The following SPTBN1 variants were observed in gnomAD, a reference collection of about 807,000 sequenced individuals.
The protein encoded by SPTBN1 is spectrin beta, non-erythrocytic 1.
SPTBN1 carries 32 observed loss-of-function variants against 266.4 expected under a neutral mutation model. The observed-to-expected ratio is 0.12, with a 90% CI of 0.09 to 0.16. The LOEUF (loss-of-function observed/expected upper bound fraction) is 0.16, where lower values mean the gene tolerates loss of function less well. Ranked by LOEUF, SPTBN1 falls within the 10% of genes least tolerant of loss-of-function variation. The probability of loss-of-function intolerance (pLI) is 1.00; values close to 1 mark genes in which losing one functional copy is unlikely to be tolerated. For synonymous variants in SPTBN1, 1,336 were observed against 1,162.2 expected, an observed-to-expected ratio of 1.15 and a Z score of -3.04; for missense variants, 2,296 against 3,067.1, an observed-to-expected ratio of 0.75 and a Z score of 5.94.
chr2:54,569,463 A>C (rs1253416786), intron 2 of SPTBN1, among the ~76,000 whole-genome samples: 1 of 152,250 alleles, frequency 6.6e-6, no homozygotes, highest in Non-Finnish European at 1.5e-5. Flanking sequence ...CAAGTCCTAC[A>C]AATTTTAACT....
intron 2 of SPTBN1, among the ~76,000 whole-genome samples, chr2:54,583,195 C>G (rs115191357): frequency 1.6e-3 from 240 of 152,212 alleles, no homozygotes; most frequent in African/African-American, 5.6e-3. Flanking sequence ...GACCCCTTGA[C>G]TCACCTCTGG....
chr2:54,566,596 C>T (rs1022394385), intron 2 of SPTBN1, among the ~76,000 whole-genome samples: 4 of 152,030 alleles, frequency 2.6e-5, no homozygotes, highest in Non-Finnish European at 5.9e-5. Flanking sequence ...TTTGGGAGGT[C>T]GAGGCAGGCA....
intron 3 of SPTBN1, among the ~76,000 whole-genome samples, chr2:54,606,818 C>G (rs186460328): frequency 6.6e-6 from 1 of 152,220 alleles, no homozygotes; most frequent in Non-Finnish European, 1.5e-5. Context: ...GTAATGGTGT[C>G]TGGGCCAGCT....
chr2:54,562,533 C>CTTTTTTTTTTTTTTTTTTTTT (rs1553447705), intron 2 of SPTBN1, among the ~76,000 whole-genome samples: 1 of 126,828 alleles, frequency 7.9e-6, no homozygotes, highest in African/African-American at 3.2e-5. Context: ...TTTTCTTTTT[C>CTTTTTTTTTTTTTTTTTTTTT]TTTTTTTTTT....
intron 1 of SPTBN1, among the ~76,000 whole-genome samples, chr2:54,473,085 G>C (rs1461632511): frequency 6.6e-6 from 1 of 152,066 alleles, no homozygotes; most frequent in Non-Finnish European, 1.5e-5. Flanking sequence ...TTGTTTCACT[G>C]TCTTCATATG....
At chr2:54,592,218 A>G (rs1381205904) in intron 2 of SPTBN1, among the ~76,000 whole-genome samples, 4 of 152,186 alleles carry the variant, frequency 2.6e-5, no homozygotes, top group African/African-American at 9.7e-5. Flanking sequence ...ACATAGACGC[A>G]TTACAGCCTT....
At chr2:54,578,513 A>G (rs928101645) in intron 2 of SPTBN1, among the ~76,000 whole-genome samples, 2 of 152,084 alleles carry the variant, frequency 1.3e-5, no homozygotes, top group African/African-American at 2.4e-5. Context: ...TGCGATTTGC[A>G]TTGTGTTTTC....
At chr2:54,614,995 T>C in intron 4 of SPTBN1, among the ~76,000 whole-genome samples, 1 of 152,172 alleles carries the variant, frequency 6.6e-6, no homozygotes, top group East Asian at 1.9e-4. Context: ...CTGACTTTCC[T>C]GGTGAGCCTG....
chr2:54,623,719 A>G, intron 10 of SPTBN1, 123 bp downstream of exon 10: 1 of 751,556 alleles, frequency 1.3e-6, no homozygotes, highest in Non-Finnish European at 2.2e-6. Flanking sequence ...CCGAATTGAC[A>G]ATTGGCAGCT....
intron 2 of SPTBN1, among the ~76,000 whole-genome samples, chr2:54,595,377 G>A (rs1307855863): frequency 2.0e-5 from 3 of 152,198 alleles, no homozygotes; most frequent in African/African-American, 7.2e-5. Flanking sequence ...TTCCTTGGAG[G>A]CACCACTTAC....
intron 2 of SPTBN1, 120 bp downstream of exon 2, chr2:54,526,686 A>G: frequency 1.6e-6 from 2 of 1,281,764 alleles, no homozygotes; most frequent in Non-Finnish European, 2.1e-6. Flanking sequence ...TTCTATTTAA[A>G]TGTGTCCTTG....
At chr2:54,605,770 C>G (rs557248890) in intron 3 of SPTBN1, among the ~76,000 whole-genome samples, 68 of 152,306 alleles carry the variant, frequency 4.5e-4, no homozygotes, top group African/African-American at 1.6e-3. Context: ...AATTCCCACT[C>G]CTCTCGTATA....
At position 54,623,831 on chromosome 2, in the gene SPTBN1, T is replaced by C. The variant is rs549926055; in HGVS notation, c.1182+235T>C. On this transcript the variant is annotated intron_variant, in intron 10 of 35. Transcript: ENST00000356805. The stretch of plus-strand genomic sequence containing the variant: ...AGATTTTATCAAACCAGCTTTGGCG[T>C]AGGCTATACACCTTGCTACTCAGAT... Among the ~76,000 whole-genome samples, 3 of 152,366 alleles carry C rather than the reference T, an allele frequency of 2.0e-5. No homozygotes were observed. The South Asian group carries it at 6.2e-4, about 32-fold the overall frequency.
chr2:54,551,237 T>C (rs924805517), intron 2 of SPTBN1, among the ~76,000 whole-genome samples: 4 of 152,180 alleles, frequency 2.6e-5, no homozygotes, highest in Non-Finnish European at 5.9e-5. Flanking sequence ...TTCCCCTCCA[T>C]GTTGGAGGTG....
At chr2:54,663,226 C>G (rs561540286) in intron 32 of SPTBN1, 1 of 152,356 alleles carries the variant, frequency 6.6e-6, no homozygotes, top group South Asian at 2.1e-4. Context: ...TTTATCTTGT[C>G]AAGGTTGTTA....
chr2:54,551,568 C>T (rs967220186), intron 2 of SPTBN1, among the ~76,000 whole-genome samples: 1 of 152,208 alleles, frequency 6.6e-6, no homozygotes, highest in African/African-American at 2.4e-5. Flanking sequence ...TCCAGTGTAA[C>T]TTGCCGTTTT....
At chr2:54,573,058 C>T (rs1674199096) in intron 2 of SPTBN1, among the ~76,000 whole-genome samples, 1 of 152,218 alleles carries the variant, frequency 6.6e-6, no homozygotes, top group Non-Finnish European at 1.5e-5. Flanking sequence ...TTAAATGACT[C>T]TGAAATGACC....
intron 2 of SPTBN1, among the ~76,000 whole-genome samples, chr2:54,581,332 G>A (rs906157689): frequency 6.6e-6 from 1 of 152,230 alleles, no homozygotes; most frequent in East Asian, 1.9e-4. Flanking sequence ...AATTGAGGAG[G>A]AGGGGATGCT....
chr2:54,503,091 T>A (rs1277261199), intron 1 of SPTBN1, among the ~76,000 whole-genome samples: 4 of 152,236 alleles, frequency 2.6e-5, no homozygotes, highest in African/African-American at 9.6e-5. Context: ...GTGATCCCTG[T>A]GTTTAAAAAG....
Sources: gnomAD v4.1 joint callset for allele counts (sites outside exome capture counted in the v4.1 genomes callset) on GRCh38, gnomAD v4.1.1 for gene constraint, MANE v1.5 for transcripts, NCBI Gene and HGNC (gene_info 2026-07-23, HGNC 2026-07-21) for gene names.